FAAH2: variants seen among roughly 807,000 people sequenced by gnomAD.
FAAH2 encodes the protein fatty-acid amide hydrolase 2.
In FAAH2, 60 loss-of-function variants were observed where a neutral mutation model predicts 36.9. The observed-to-expected ratio is 1.63, with a 90% CI of 1.32 to 2.02. The LOEUF (loss-of-function observed/expected upper bound fraction) is 2.02. FAAH2 is among the 30% of genes most tolerant of loss of function. FAAH2 has a pLI of 0.00. For missense variants in FAAH2, 689 were observed against 397.5 expected, an observed-to-expected ratio of 1.73 and a Z score of -6.23; for synonymous variants, 214 against 143.8, an observed-to-expected ratio of 1.49 and a Z score of -3.49.
the FAAH2 span, among the ~76,000 whole-genome samples, chrX:57,175,724 C>T: frequency 9.0e-6 from 1 of 111,427 alleles, no homozygotes; most frequent in Non-Finnish European, 1.9e-5. Context: ...CCGTTTCAAG[C>T]TTTAGAACTC....
chrX:57,143,419 C>G, the FAAH2 span, among the ~76,000 whole-genome samples: 1 of 110,386 alleles, frequency 9.1e-6, no homozygotes, highest in East Asian at 2.8e-4. Flanking sequence ...TCCCCCCTTA[C>G]GACTTTTTGT....
the FAAH2 span, among the ~76,000 whole-genome samples, chrX:57,164,637 G>A: frequency 1.3e-4 from 15 of 112,142 alleles, no homozygotes; most frequent in Non-Finnish European, 1.7e-4. Context: ...TCAAATGCAC[G>A]AACAATTTGA....
chrX:57,426,607 CT>C (rs1306543912), intron 7 of FAAH2, among the ~76,000 whole-genome samples: 8 of 111,713 alleles, frequency 7.2e-5, no homozygotes, highest in Non-Finnish European at 1.3e-4. Context: ...AACCCTTGAA[CT>C]GTAAAAATAC....
At chrX:57,385,370 T>G (rs1469918116) in intron 7 of FAAH2, among the ~76,000 whole-genome samples, 1 of 110,233 alleles carries the variant, frequency 9.1e-6, no homozygotes, top group Non-Finnish European at 1.9e-5. Flanking sequence ...TCTGCCACCA[T>G]GAAAAAATGC....
At chrX:57,155,131 T>C in the FAAH2 span, among the ~76,000 whole-genome samples, 2 of 111,924 alleles carry the variant, frequency 1.8e-5, no homozygotes, top group African/African-American at 6.5e-5. Context: ...ATTGTGGTTG[T>C]TTGATGCACT....
chrX:57,195,946 T>C, the FAAH2 span, among the ~76,000 whole-genome samples: 2 of 112,252 alleles, frequency 1.8e-5, no homozygotes, highest in Admixed American at 1.9e-4. Flanking sequence ...TCTCTTCTGG[T>C]CCATTGGTCT....
Position 57,366,181 on chromosome X carries a change from C to T in FAAH2, c.743-12470C>T, listed in dbSNP as rs149846010. Among the ~76,000 whole-genome samples, 490 of 111,122 alleles carry T rather than the reference C, an allele frequency of 4.4e-3. 1 individual carries two copies. The highest frequency in any genetic ancestry group is 0.015 in the African/African-American group (453 of 30,577). Reference sequence around the variant, plus strand: ...TTTCCATCTGTGTGGGCTGATGTTCCTTTAGTTTTTGGAGTTGCTGCCTTT... The same window carrying T: ...TTTCCATCTGTGTGGGCTGATGTTCTTTTAGTTTTTGGAGTTGCTGCCTTT... On this transcript the variant is annotated intron_variant, in intron 5 of 10. Transcript: ENST00000374900.
At chrX:57,206,002 AT>A in the FAAH2 span, among the ~76,000 whole-genome samples, 1 of 112,268 alleles carries the variant, frequency 8.9e-6, no homozygotes, top group Non-Finnish European at 1.9e-5. Flanking sequence ...AGAAAAAGCC[AT>A]TCTACAAGAT....
chrX:57,486,977 A>T (rs1025144274), intron 10 of FAAH2, among the ~76,000 whole-genome samples: 4 of 111,498 alleles, frequency 3.6e-5, no homozygotes, highest in Admixed American at 9.6e-5. Flanking sequence ...CACTCTCTTT[A>T]CTTTCCTCTC....
At chrX:57,280,904 A>G in the FAAH2 span, among the ~76,000 whole-genome samples, 1 of 112,527 alleles carries the variant, frequency 8.9e-6, no homozygotes, top group East Asian at 2.8e-4. Context: ...AAAATAAATG[A>G]TTATTGATAC....
the FAAH2 span, among the ~76,000 whole-genome samples, chrX:57,122,430 C>T: frequency 1.8e-5 from 2 of 111,640 alleles, no homozygotes; most frequent in Non-Finnish European, 3.8e-5. Context: ...CATAATATTT[C>T]CACAATAACC....
At chrX:57,385,603 A>C (rs960181876) in intron 7 of FAAH2, among the ~76,000 whole-genome samples, 3 of 111,622 alleles carry the variant, frequency 2.7e-5, no homozygotes, top group Admixed American at 9.5e-5. Context: ...GGCAGCCCTC[A>C]TGGCCTAATC....
chrX:57,236,699 TG>T, the FAAH2 span, among the ~76,000 whole-genome samples: 232 of 110,537 alleles, frequency 2.1e-3, no homozygotes, highest in South Asian at 8.8e-3. Flanking sequence ...TCAGATTATT[TG>T]GGGGGGGTGT....
the FAAH2 span, among the ~76,000 whole-genome samples, chrX:57,173,308 G>A: frequency 8.9e-6 from 1 of 111,821 alleles, no homozygotes; most frequent in African/African-American, 3.2e-5. Context: ...TTTGTTTAAG[G>A]ATACTCCTGG....
the FAAH2 span, among the ~76,000 whole-genome samples, chrX:57,147,940 T>C: frequency 2.7e-5 from 3 of 111,999 alleles, no homozygotes; most frequent in Non-Finnish European, 5.6e-5. Flanking sequence ...GTAATTTCAA[T>C]TTTTAAGAAT....
chrX:57,477,179 G>A (rs1477224641), intron 10 of FAAH2, among the ~76,000 whole-genome samples: 1 of 109,661 alleles, frequency 9.1e-6, no homozygotes, highest in Non-Finnish European at 1.9e-5. Context: ...TTTTTGAAGG[G>A]TTTTTCATGT....
the FAAH2 span, among the ~76,000 whole-genome samples, chrX:57,143,408 A>AT: frequency 1.8e-5 from 2 of 110,405 alleles, no homozygotes; most frequent in Admixed American, 1.9e-4. Flanking sequence ...CTTTAACTCC[A>AT]TCCCCCCTTA....
At chrX:57,393,593 G>T (rs916550499) in intron 7 of FAAH2, 40 of 903,336 alleles carry the variant, frequency 4.4e-5, no homozygotes, top group Non-Finnish European at 6.0e-5. Flanking sequence ...GGGCTTGATT[G>T]TGTCCTTCAT....
chrX:57,300,006 A>T (rs2052293470), intron 2 of FAAH2, among the ~76,000 whole-genome samples: 1 of 111,825 alleles, frequency 8.9e-6, no homozygotes, highest in African/African-American at 3.3e-5. Flanking sequence ...AGGAAGAATC[A>T]ATATCATGAA....
Sources: gnomAD v4.1 joint callset for allele counts (sites outside exome capture counted in the v4.1 genomes callset) on GRCh38, gnomAD v4.1.1 for gene constraint, MANE v1.5 for transcripts, NCBI Gene and HGNC (gene_info 2026-07-23, HGNC 2026-07-21) for gene names.